The following ZSWIM6 variants were observed in gnomAD, a reference collection of about 807,000 sequenced individuals.
ZSWIM6 encodes the protein zinc finger SWIM-type containing 6, also known as zinc finger SWIM domain-containing protein 6.
A neutral mutation model predicts 113.2 loss-of-function variants in ZSWIM6; 9 were observed. The ratio of observed to expected loss-of-function variants is 0.08; its 90% confidence interval spans 0.05 to 0.14. ZSWIM6 has a LOEUF of 0.14. Ranked by LOEUF, ZSWIM6 falls within the 10% of genes least tolerant of loss-of-function variation. The probability of loss-of-function intolerance (pLI) is 1.00; values close to 1 mark genes in which losing one functional copy is unlikely to be tolerated. For missense variants in ZSWIM6, 1,162 were observed against 1,552.2 expected, an observed-to-expected ratio of 0.75 and a Z score of 4.22; for synonymous variants, 611 against 606.5, an observed-to-expected ratio of 1.01 and a Z score of -0.11.
At chr5:61,370,851 A>T (rs901171677) in intron 1 of ZSWIM6, among the ~76,000 whole-genome samples, 1 of 152,214 alleles carries the variant, frequency 6.6e-6, no homozygotes, top group Non-Finnish European at 1.5e-5. Flanking sequence ...AAACTAAAGA[A>T]CCCCTACAAG....
chr5:61,352,375 C>T (rs1050885491), intron 1 of ZSWIM6, among the ~76,000 whole-genome samples: 1 of 152,156 alleles, frequency 6.6e-6, no homozygotes, highest in African/African-American at 2.4e-5. Flanking sequence ...CTGTTTGTAT[C>T]CATGGCTATC....
intron 1 of ZSWIM6, among the ~76,000 whole-genome samples, chr5:61,340,169 C>G (rs1744512251): frequency 1.3e-5 from 2 of 152,054 alleles, no homozygotes; most frequent in Non-Finnish European, 2.9e-5. Flanking sequence ...GAAAAGATCC[C>G]TAAAGCAAGC....
At chr5:61,489,244 G>A (rs960933585) in intron 2 of ZSWIM6, among the ~76,000 whole-genome samples, 3 of 151,896 alleles carry the variant, frequency 2.0e-5, no homozygotes, top group African/African-American at 7.3e-5. Flanking sequence ...GCAGATCTCA[G>A]CTCAGTGCCA....
intron 1 of ZSWIM6, among the ~76,000 whole-genome samples, chr5:61,399,194 G>A (rs1745898918): frequency 6.6e-6 from 1 of 150,436 alleles, no homozygotes; most frequent in African/African-American, 2.4e-5. Context: ...CAAAGGGCTG[G>A]GATTACAGGT....
chr5:61,435,040 A>T (rs879616015), intron 1 of ZSWIM6, among the ~76,000 whole-genome samples: 3 of 152,104 alleles, frequency 2.0e-5, no homozygotes, highest in Admixed American at 2.0e-4. Context: ...AAACCGAGAG[A>T]TATAGTACCT....
chr5:61,497,906 C>A (rs1748364319), intron 4 of ZSWIM6, among the ~76,000 whole-genome samples: 1 of 152,178 alleles, frequency 6.6e-6, no homozygotes, highest in African/African-American at 2.4e-5. Context: ...GAAATAACCT[C>A]TGGATTTCCA....
intron 1 of ZSWIM6, among the ~76,000 whole-genome samples, chr5:61,442,467 A>G (rs886411258): frequency 1.3e-5 from 2 of 152,172 alleles, no homozygotes; most frequent in Non-Finnish European, 2.9e-5. Context: ...AATCTAATAC[A>G]TAGTTTTCTT....
At chr5:61,490,150 A>T (rs959054362) in intron 2 of ZSWIM6, among the ~76,000 whole-genome samples, 1 of 152,078 alleles carries the variant, frequency 6.6e-6, no homozygotes, top group Non-Finnish European at 1.5e-5. Flanking sequence ...CTACACACAT[A>T]GGGCTTATTA....
chr5:61,538,703 G>A, intron 10 of ZSWIM6, 111 bp from the exon 11 acceptor site: 1 of 1,228,412 alleles, frequency 8.1e-7, no homozygotes, highest in Non-Finnish European at 1.1e-6. Context: ...CTGAACTTGA[G>A]TAGAGGCCTG....
intron 1 of ZSWIM6, among the ~76,000 whole-genome samples, chr5:61,349,130 C>G (rs2112036940): frequency 6.6e-6 from 1 of 152,152 alleles, no homozygotes; most frequent in African/African-American, 2.4e-5. Flanking sequence ...AATACTCTAC[C>G]ATACACTGTT....
chr5:61,484,468 A>G (rs1196464164), intron 2 of ZSWIM6, among the ~76,000 whole-genome samples: 1 of 152,198 alleles, frequency 6.6e-6, no homozygotes, highest in Non-Finnish European at 1.5e-5. Context: ...GGGATATGTC[A>G]GATTTCAAAG....
chr5:61,532,001 A>G (rs893115740), intron 9 of ZSWIM6, among the ~76,000 whole-genome samples: 6 of 152,140 alleles, frequency 3.9e-5, no homozygotes, highest in South Asian at 2.1e-4. Flanking sequence ...AAAAGAACCT[A>G]TTTCATTCAG....
In ZSWIM6 at chr5:61,531,490, G is replaced by A; in HGVS notation, c.2010G>A (p.Leu670=). The change falls in exon 9 of 14, where the codon CTG becomes CTA. Residue 670 remains leucine, a synonymous_variant. Coordinates refer to ENST00000252744, the MANE Select transcript of ZSWIM6 (RefSeq NM_020928.2). ...AGAATATGGGACAGTGCAAGTCTCTGGAATACCAGCATCTACCTGCACACA... is the reference window on the plus strand; with the variant it reads ...AGAATATGGGACAGTGCAAGTCTCTAGAATACCAGCATCTACCTGCACACA... ...FTENMGQCKS[L]EYQHLPAHKF... 1 of 1,551,522 alleles carries A rather than the reference G, an allele frequency of 6.4e-7. No homozygotes were observed. Among genetic ancestry groups the A allele is most frequent in the East Asian group, 2.4e-5 (1 of 40,922 alleles).
At chr5:61,474,265 A>G (rs905352887) in intron 2 of ZSWIM6, among the ~76,000 whole-genome samples, 11 of 152,176 alleles carry the variant, frequency 7.2e-5, no homozygotes, top group Admixed American at 1.3e-4. Context: ...GTATTACCTG[A>G]CTTCTTTCAC....
chr5:61,481,626 C>G (rs913910632), intron 2 of ZSWIM6, among the ~76,000 whole-genome samples: 2 of 151,904 alleles, frequency 1.3e-5, no homozygotes, highest in Non-Finnish European at 2.9e-5. Flanking sequence ...CTGGGGCAAG[C>G]AAGTTTGATG....
At chr5:61,333,972 A>G (rs1033623014) in intron 1 of ZSWIM6, among the ~76,000 whole-genome samples, 4 of 152,182 alleles carry the variant, frequency 2.6e-5, no homozygotes, top group Admixed American at 2.6e-4. Flanking sequence ...GCGGCGCGGC[A>G]GCCCGGCACG....
intron 5 of ZSWIM6, among the ~76,000 whole-genome samples, chr5:61,521,928 T>C (rs1749137360): frequency 6.6e-6 from 1 of 152,194 alleles, no homozygotes; most frequent in South Asian, 2.1e-4. Context: ...CTGAAGGACA[T>C]AGAATGCTGT....
chr5:61,545,597 A>AT lies in ZSWIM6; in HGVS notation c.*1284dup, dbSNP rs1205254026. 6.6e-6 allele frequency: 1 copy of AT among 152,142 alleles called. No homozygotes were observed. Among genetic ancestry groups the AT allele is most frequent in the African/African-American group, 2.4e-5 (1 of 41,424 alleles). 9.4% of individuals were successfully genotyped at this position (152,142 alleles called of 1,614,324 possible). ...TATTATATATCTATTCTGCATAGGT[A>AT]TTTTGACTTTGTGCAGGACAGAAAG... On this transcript the variant is annotated 3_prime_UTR_variant, in exon 14 of 14. Coordinates refer to ENST00000252744, the MANE Select transcript of ZSWIM6 (RefSeq NM_020928.2).
At chr5:61,341,581 C>T (rs1744546147) in intron 1 of ZSWIM6, among the ~76,000 whole-genome samples, 1 of 152,116 alleles carries the variant, frequency 6.6e-6, no homozygotes, top group Non-Finnish European at 1.5e-5. Context: ...GGAGGACTTG[C>T]TGTTACATGA....
Sources: gnomAD v4.1 joint callset for allele counts (sites outside exome capture counted in the v4.1 genomes callset) on GRCh38, gnomAD v4.1.1 for gene constraint, MANE v1.5 for transcripts, NCBI Gene and HGNC (gene_info 2026-07-23, HGNC 2026-07-21) for gene names.